Variants in EIF4E2 observed in about 807,000 individuals in gnomAD.
EIF4E2 encodes eukaryotic translation initiation factor 4E family member 2.
In EIF4E2, 13 loss-of-function variants were observed where a neutral mutation model predicts 34.2. That is an observed-to-expected ratio of 0.38 (90% CI 0.25 to 0.60). The LOEUF is 0.60. Ranked by LOEUF, EIF4E2 falls within the 20% of genes least tolerant of loss-of-function variation. The pLI is 0.62. For missense variants in EIF4E2, 222 were observed against 315.1 expected, an observed-to-expected ratio of 0.70 and a Z score of 2.24; for synonymous variants, 100 against 106.6, an observed-to-expected ratio of 0.94 and a Z score of 0.38.
rs376018124 is a variant in EIF4E2 at position 232,569,062 on chromosome 2, C to T, written c.*45C>T. On this transcript the variant is annotated 3_prime_UTR_variant, in exon 7 of 7. Transcript: ENST00000258416. ...GCACCATCATTGAAGCTGGCGTCATCGGAGTCTCTTGTTCTGTTGGCGTGC... is the reference window on the plus strand; with the variant it reads ...GCACCATCATTGAAGCTGGCGTCATTGGAGTCTCTTGTTCTGTTGGCGTGC... 95 of 1,607,612 alleles carry T rather than the reference C, an allele frequency of 5.9e-5. No homozygotes were observed. In the Admixed American group the frequency reaches 1.0e-3, roughly 17 times the overall value.
At chr2:232,550,813 G>T in intron 1 of EIF4E2, 69 bp downstream of exon 1, 1 of 1,436,232 alleles carries the variant, frequency 7.0e-7, no homozygotes, top group Admixed American at 2.6e-5. Context: ...CCCCGCTGGG[G>T]CTGGGGCGGC....
chr2:232,558,524 A>G (rs938731184), intron 3 of EIF4E2: 3 of 151,520 alleles, frequency 2.0e-5, no homozygotes, highest in African/African-American at 7.3e-5. Flanking sequence ...ACCTTAGGTA[A>G]TCCACCCGCC....
rs769344416 is a variant in EIF4E2, at chr2:232,581,192, G to A, written c.*249G>A. On this transcript the variant is annotated 3_prime_UTR_variant, in exon 7 of 7. Transcript: ENST00000409098. This position sits in a 1 kb window ranked among gnomAD's most constrained non-coding sequence, Gnocchi z 5.2. ...ATTGTTTTTTAATGGGGTTCCATGG[G>A]GGGGCGTTCAGCCTTTCTGTTTGCT... 5.5e-5 allele frequency: 34 copies of A among 615,074 alleles called. No homozygotes were observed. Among genetic ancestry groups the A allele is most frequent in the Non-Finnish European group, 9.4e-5 (31 of 328,432 alleles). The allele number at this position is 615,074 out of a possible 1,614,324, so 38.1% of individuals were successfully genotyped here. A position where few individuals can be genotyped will look rare whatever the true frequency, so the allele number is the denominator to read the frequency against.
chr2:232,558,624 T>G (rs1298157010), intron 3 of EIF4E2: 1 of 151,940 alleles, frequency 6.6e-6, no homozygotes, highest in African/African-American at 2.4e-5. Context: ...TGTTTGTTTT[T>G]TTTTTTAAGT....
At chr2:232,567,700 AG>A in intron 6 of EIF4E2, 3 of 999,344 alleles carry the variant, frequency 3.0e-6, no homozygotes, top group Non-Finnish European at 3.6e-6. Flanking sequence ...TCTTAGAAGA[AG>A]GGGGATAGTG....
rs989541145 is a variant in EIF4E2, at chr2:232,581,433, CTT to C, written c.*492_*493del. ...ATTAAATTATTGGGACATTTTGTTT[CTT>C]TCTCTCCCCTCCTCCAAGCCCACCA... On this transcript the variant is annotated 3_prime_UTR_variant, in exon 7 of 7. Coordinates refer to the EIF4E2 transcript ENST00000409098. This position sits in a 1 kb window ranked among gnomAD's most constrained non-coding sequence, Gnocchi z 5.2. The C allele has an allele frequency of 6.6e-6, 2 of 302,780 alleles. No homozygotes were observed. The highest frequency in any genetic ancestry group is 4.4e-5 in the African/African-American group (2 of 45,178). 18.8% of individuals were successfully genotyped at this position (302,780 alleles called of 1,614,324 possible). A position where few individuals can be genotyped will look rare whatever the true frequency, so the allele number is the denominator to read the frequency against.
intron 2 of EIF4E2, among the ~76,000 whole-genome samples, chr2:232,557,289 T>C (rs1285680637): frequency 1.3e-5 from 2 of 150,632 alleles, no homozygotes; most frequent in African/African-American, 4.9e-5. Context: ...AATTCATTTA[T>C]TCTACAATAT....
intron 3 of EIF4E2, among the ~76,000 whole-genome samples, chr2:232,559,939 C>CT (rs1463216325): frequency 6.6e-6 from 1 of 152,008 alleles, no homozygotes; most frequent in East Asian, 1.9e-4. Context: ...TACAGTGAGC[C>CT]TTTTTTGTGC....
At chr2:232,556,257 A>G (rs910651466) in intron 1 of EIF4E2, among the ~76,000 whole-genome samples, 159 bp from the exon 2 acceptor site, 2 of 152,070 alleles carry the variant, frequency 1.3e-5, no homozygotes, top group African/African-American at 2.4e-5. Flanking sequence ...TTTAATCCTA[A>G]TTTGCCTGTC....
chr2:232,571,763 G>T (rs772369024), downstream of EIF4E2, among the ~76,000 whole-genome samples: 5 of 152,178 alleles, frequency 3.3e-5, no homozygotes, highest in Non-Finnish European at 5.9e-5. Flanking sequence ...CCTTCTCCTG[G>T]CATGGCTAAA....
chr2:232,569,347 T>C (rs1195015023), downstream of EIF4E2: 1 of 827,170 alleles, frequency 1.2e-6, no homozygotes, highest in Non-Finnish European at 1.6e-6. Context: ...CATAAGCCCA[T>C]TGTGTAGTGT....
In EIF4E2 at chr2:232,556,463, G is replaced by A. The variant is rs1446106738; in HGVS notation, c.68G>A (p.Ser23Asn). 1.2e-6 allele frequency: 2 copies of A among 1,613,742 alleles called. No individual in the cohort carries two copies. The highest frequency in any genetic ancestry group is 1.7e-6 in the Non-Finnish European group (2 of 1,179,926). Reference protein sequence around the residue: ...SGDHDQNEENSTQKDGEKEKT... With the variant: ...SGDHDQNEENNTQKDGEKEKT... ...GACCATGATCAGAATGAAGAAAACA[G>A]CACACAGAAAGATGGTGAGAAGGAA... The change falls in exon 2 of 7, where the codon AGC becomes AAC. Residue 23 changes from serine to asparagine, a missense_variant. By Grantham distance (46) the Ser-to-Asn change is conservative. Around this residue, in one of 3 missense-constraint regions of EIF4E2, gnomAD observed 87 missense variants for 93.6 expected, o/e 0.93. Transcript: ENST00000258416.
chr2:232,563,916 A>G (rs1346839271), intron 3 of EIF4E2, among the ~76,000 whole-genome samples: 1 of 152,226 alleles, frequency 6.6e-6, no homozygotes, highest in Non-Finnish European at 1.5e-5. Flanking sequence ...CTCTTACTGC[A>G]TGTGATGACT....
In EIF4E2 at chr2:232,566,098, GA is replaced by G. The variant is rs879729698; in HGVS notation, c.376-718del. Among the ~76,000 whole-genome samples the G allele has an allele frequency of 9.7e-4, 134 of 137,520 alleles. No homozygotes were observed. Among genetic ancestry groups the G allele is most frequent in the African/African-American group, 2.4e-3 (91 of 37,452 alleles). 90.2% of individuals were successfully genotyped at this position (137,520 alleles called of 152,430 possible). A position where few individuals can be genotyped will look rare whatever the true frequency, so the allele number is the denominator to read the frequency against. ...CAGCGGGAGACTCCATCGCAAAAAA[GA>G]AAAAAAAAAAAACTAGATTGGGGCT... On this transcript the variant is annotated intron_variant, in intron 4 of 6. Transcript: ENST00000258416. This position sits in a 1 kb window ranked among gnomAD's most constrained non-coding sequence, Gnocchi z 4.9.
chr2:232,572,469 G>A (rs911222886), downstream of EIF4E2, among the ~76,000 whole-genome samples: 11 of 152,114 alleles, frequency 7.2e-5, no homozygotes, highest in Non-Finnish European at 1.5e-5. Context: ...GGGTTCAAGC[G>A]ATTCTCTTGC....
chr2:232,577,729 A>G (rs976649461), intron 6 of EIF4E2, among the ~76,000 whole-genome samples: 2 of 152,170 alleles, frequency 1.3e-5, no homozygotes, highest in Non-Finnish European at 2.9e-5. Context: ...GTAGAGAAAT[A>G]ATTCTTTTTT....
downstream of EIF4E2, chr2:232,569,334 T>C: frequency 1.0e-6 from 1 of 963,598 alleles, no homozygotes; most frequent in Non-Finnish European, 1.3e-6. Context: ...GCAGCCTCAT[T>C]TCCATAAGCC....
downstream of EIF4E2, among the ~76,000 whole-genome samples, chr2:232,570,338 T>C (rs1206128200): frequency 6.6e-6 from 1 of 152,228 alleles, no homozygotes; most frequent in East Asian, 1.9e-4. Context: ...TGCTGGAATA[T>C]GGAAAGGCCC....
exon 7 of EIF4E2, chr2:232,582,003 A>ATG (rs1179576528): frequency 6.6e-6 from 1 of 152,328 alleles, no homozygotes; most frequent in Admixed American, 6.5e-5. Context: ...GTATGAGCAA[A>ATG]TGTGTGCTGA....
Sources: gnomAD v4.1 joint callset for allele counts (sites outside exome capture counted in the v4.1 genomes callset) on GRCh38, gnomAD v4.1.1 for gene constraint, gnomAD v4.1.1 regional missense constraint, Gnocchi (gnomAD v3.1) non-coding constraint, MANE v1.5 for transcripts, NCBI Gene and HGNC (gene_info 2026-07-23, HGNC 2026-07-21) for gene names.